The following MYRIP variants were observed in gnomAD, a reference collection of about 807,000 sequenced individuals.
MYRIP encodes myosin VIIA and Rab interacting protein.
Under a neutral mutation model 98.0 loss-of-function variants are expected in MYRIP, and 49 were observed. That is an observed-to-expected ratio of 0.50 (90% CI 0.40 to 0.63). The LOEUF (loss-of-function observed/expected upper bound fraction) is 0.63, where lower values mean the gene tolerates loss of function less well. Ranked by LOEUF, MYRIP falls within the 30% of genes least tolerant of loss-of-function variation. The probability of loss-of-function intolerance (pLI) is 0.00; values close to 1 mark genes in which losing one functional copy is unlikely to be tolerated. For synonymous variants in MYRIP, 404 were observed against 409.5 expected, an observed-to-expected ratio of 0.99 and a Z score of 0.16; for missense variants, 1,004 against 1,058.2, an observed-to-expected ratio of 0.95 and a Z score of 0.71.
intron 13 of MYRIP, among the ~76,000 whole-genome samples, chr3:40,249,475 A>T (rs779196814): frequency 6.6e-6 from 1 of 152,200 alleles, no homozygotes; most frequent in Non-Finnish European, 1.5e-5. Flanking sequence ...AGATAATGGT[A>T]CTTACTTCAT....
intron 2 of MYRIP, among the ~76,000 whole-genome samples, chr3:39,915,438 A>G (rs1285821728): frequency 6.6e-6 from 1 of 152,062 alleles, no homozygotes; most frequent in Non-Finnish European, 1.5e-5. Context: ...TCTGATATTA[A>G]ATGGAGACAT....
chr3:39,920,719 T>C (rs1575380414), intron 2 of MYRIP, among the ~76,000 whole-genome samples: 1 of 152,332 alleles, frequency 6.6e-6, no homozygotes, highest in East Asian at 1.9e-4. Context: ...GGGAAGCTTT[T>C]TCAGTATGAA....
At chr3:40,220,197 G>A (rs1203579551) in intron 11 of MYRIP, among the ~76,000 whole-genome samples, 1 of 151,682 alleles carries the variant, frequency 6.6e-6, no homozygotes, top group African/African-American at 2.4e-5. Flanking sequence ...TTTTTTTCTT[G>A]TAAATTTGTT....
chr3:40,158,897 C>T (rs532916765), intron 4 of MYRIP, among the ~76,000 whole-genome samples: 4 of 151,754 alleles, frequency 2.6e-5, no homozygotes, highest in South Asian at 2.1e-4. Context: ...TGTCTCTGCA[C>T]GTGAGATGGG....
chr3:39,877,491 T>C (rs1943032081), intron 1 of MYRIP, among the ~76,000 whole-genome samples: 1 of 152,138 alleles, frequency 6.6e-6, no homozygotes, highest in Non-Finnish European at 1.5e-5. Flanking sequence ...TTTTGGTCTT[T>C]GATGATGGTG....
chr3:40,049,890 C>G (rs1274356693), intron 3 of MYRIP, among the ~76,000 whole-genome samples: 3 of 152,132 alleles, frequency 2.0e-5, no homozygotes, highest in Non-Finnish European at 4.4e-5. Context: ...GAAGGTCAAA[C>G]CTGCCACAAC....
chr3:40,182,196 C>T lies in MYRIP; in HGVS notation c.874-24C>T, dbSNP rs775548679. The T allele has an allele frequency of 8.2e-6, 13 of 1,587,474 alleles. No individual in the cohort carries two copies. The Admixed American group carries it at 2.3e-4, about 28-fold the overall frequency. ...AGGCACTGTACCTTATGAGCTCACC[C>T]CTTCCCCTCTTTCCTTTCCACAGAG... On this transcript the variant is annotated intron_variant, in intron 8 of 16. Coordinates refer to ENST00000302541, the MANE Select transcript of MYRIP (RefSeq NM_015460.4).
chr3:40,121,092 T>G (rs1162388674), intron 3 of MYRIP, among the ~76,000 whole-genome samples: 1 of 151,898 alleles, frequency 6.6e-6, no homozygotes, highest in Non-Finnish European at 1.5e-5. Context: ...TGGCCTCAAG[T>G]CTAGAGCAGG....
At position 40,192,333 on chromosome 3, in the gene MYRIP, ATATATATGTCATATATATATT is replaced by A. The variant is rs1445405169; in HGVS notation, c.1665+1876_1665+1896del. On this transcript the variant is annotated intron_variant, in intron 10 of 16. Coordinates refer to ENST00000302541, the MANE Select transcript of MYRIP (RefSeq NM_015460.4). ...TCATATATATATATATATGTCATAT[ATATATATGTCATATATATATT>A]TATATTTATTTAAGTTATTTACTTT... 3.7e-4 allele frequency among the ~76,000 whole-genome samples: 48 copies of A among 130,968 alleles called. No homozygotes were observed. The Middle Eastern group carries it at 0.012, about 32-fold the overall frequency. 85.9% of individuals were successfully genotyped at this position (130,968 alleles called of 152,430 possible).
chr3:39,997,625 T>A (rs1158907986), intron 2 of MYRIP, among the ~76,000 whole-genome samples: 2 of 152,182 alleles, frequency 1.3e-5, no homozygotes, highest in African/African-American at 4.8e-5. Context: ...GCTAGTACCA[T>A]TCCTTCTGAA....
At chr3:40,076,296 G>A (rs949949817) in intron 3 of MYRIP, among the ~76,000 whole-genome samples, 11 of 152,204 alleles carry the variant, frequency 7.2e-5, no homozygotes, top group Non-Finnish European at 2.9e-5. Context: ...CAAGGAGAGT[G>A]TTCCAGGTTG....
chr3:40,223,692 A>G (rs1952406399), intron 11 of MYRIP, among the ~76,000 whole-genome samples: 1 of 152,240 alleles, frequency 6.6e-6, no homozygotes, highest in Non-Finnish European at 1.5e-5. Context: ...TGGTAGCCCA[A>G]GCTCTGGAGT....
intron 9 of MYRIP, among the ~76,000 whole-genome samples, chr3:40,186,936 C>G (rs1250823401): frequency 6.6e-6 from 1 of 152,190 alleles, no homozygotes; most frequent in Non-Finnish European, 1.5e-5. Context: ...ACCACCACCA[C>G]AGGTAGAACC....
chr3:39,953,386 C>T (rs1415481573), intron 2 of MYRIP, among the ~76,000 whole-genome samples: 1 of 152,086 alleles, frequency 6.6e-6, no homozygotes, highest in East Asian at 1.9e-4. Flanking sequence ...TTGGAGAGAA[C>T]TGGCTGAGTT....
rs575944066 is a variant in MYRIP at position 39,826,079 on chromosome 3, G to A, written c.-31+16163G>A. Among the ~76,000 whole-genome samples the A allele has an allele frequency of 6.1e-4, 92 of 150,578 alleles. No individual in the cohort carries two copies. The South Asian group carries it at 0.013, about 21-fold the overall frequency. ...TTAGGCCTTCTCTCTTTTTTTCTTA[G>A]TCTAGCTAATAGTTTGTCAATTTTG... is the stretch of plus-strand genomic sequence containing the variant. On this transcript the variant is annotated intron_variant, in intron 1 of 16. Transcript: ENST00000302541.
intron 3 of MYRIP, among the ~76,000 whole-genome samples, chr3:40,078,441 A>C (rs1213586155): frequency 6.6e-6 from 1 of 152,232 alleles, no homozygotes; most frequent in Admixed American, 6.5e-5. Context: ...CACCTAGAGC[A>C]AGCGAGGGCT....
At chr3:40,059,826 A>G (rs1485012430) in intron 3 of MYRIP, among the ~76,000 whole-genome samples, 2 of 152,216 alleles carry the variant, frequency 1.3e-5, no homozygotes, top group African/African-American at 4.8e-5. Context: ...TCAACATTCC[A>G]TCCAAAATTA....
At chr3:40,144,779 T>C (rs1949977567) in intron 3 of MYRIP, among the ~76,000 whole-genome samples, 2 of 152,246 alleles carry the variant, frequency 1.3e-5, no homozygotes, top group Admixed American at 6.5e-5. Flanking sequence ...AAATGACAGA[T>C]GCTTCTTGTA....
chr3:40,184,193 TTCC>T (rs1257534365), intron 9 of MYRIP, among the ~76,000 whole-genome samples: 4 of 152,242 alleles, frequency 2.6e-5, no homozygotes, highest in East Asian at 1.9e-4. Context: ...CTCTCTCTTC[TTCC>T]TCATTTTCTC....
Sources: allele counts gnomAD v4.1 joint callset (sites outside exome capture counted in the v4.1 genomes callset), GRCh38; gene constraint gnomAD v4.1.1; transcripts MANE v1.5; gene names NCBI Gene and HGNC (gene_info 2026-07-23, HGNC 2026-07-21).